The following TDRD12 variants were observed in gnomAD, a reference collection of about 807,000 sequenced individuals.
The protein encoded by TDRD12 is tudor domain containing 12.
A neutral mutation model predicts 133.5 loss-of-function variants in TDRD12; 158 were observed. The ratio of observed to expected loss-of-function variants is 1.18; its 90% confidence interval spans 1.04 to 1.35. The LOEUF (loss-of-function observed/expected upper bound fraction) is 1.35, where lower values mean the gene tolerates loss of function less well. TDRD12 is among the 40% of genes most tolerant of loss of function. The pLI is 0.00. For missense variants in TDRD12, 1,443 were observed against 1,321.3 expected, an observed-to-expected ratio of 1.09 and a Z score of -1.43; for synonymous variants, 460 against 477.9, an observed-to-expected ratio of 0.96 and a Z score of 0.49.
intron 1 of TDRD12, among the ~76,000 whole-genome samples, chr19:32,720,960 G>C (rs912201285): frequency 6.6e-6 from 1 of 151,636 alleles, no homozygotes; most frequent in African/African-American, 2.4e-5. Flanking sequence ...CCGAATGCTC[G>C]ATCACCCGGG....
At chr19:32,811,351 C>T in exon 24 of TDRD12, 1 of 1,536,132 alleles carries the variant, frequency 6.5e-7, no homozygotes, top group Non-Finnish European at 8.7e-7. Flanking sequence ...ACACACTTCC[C>T]CCGCAGGCTG....
chr19:32,800,903 A>G, intron 18 of TDRD12, 131 bp downstream of exon 18: 1 of 965,716 alleles, frequency 1.0e-6, no homozygotes, highest in African/African-American at 1.7e-5. Flanking sequence ...ATCAATCAGA[A>G]GAGGAGGTGG....
intron 8 of TDRD12, among the ~76,000 whole-genome samples, chr19:32,768,416 G>T (rs571622052): frequency 2.7e-5 from 4 of 150,202 alleles, no homozygotes; most frequent in East Asian, 3.9e-4. Context: ...CAGAGACAGG[G>T]TGTTGCACTG....
In TDRD12 at chr19:32,760,325, C is replaced by G. The variant is rs1011650222; in HGVS notation, c.865+3195C>G. Among the ~76,000 whole-genome samples the G allele has an allele frequency of 3.9e-5, 6 of 152,268 alleles. No individual in the cohort carries two copies. In the South Asian group the frequency reaches 1.2e-3, roughly 32 times the overall value. Reference sequence around the variant, plus strand: ...TAAAAAGCAGAATTATTAGATGTTACTTTTCTAAGTATAGATTTCCCTTTC... The same window carrying G: ...TAAAAAGCAGAATTATTAGATGTTAGTTTTCTAAGTATAGATTTCCCTTTC... On this transcript the variant is annotated intron_variant, in intron 8 of 27. Coordinates refer to ENST00000444215, the Ensembl canonical transcript of TDRD12.
At chr19:32,751,388 G>A (rs1411765688) in intron 6 of TDRD12, among the ~76,000 whole-genome samples, 8 of 152,092 alleles carry the variant, frequency 5.3e-5, no homozygotes, top group Admixed American at 3.3e-4. Flanking sequence ...GGTTTTTCCT[G>A]TACAGAGATG....
chr19:32,815,388 A>T, intron 25 of TDRD12, 60 bp from the exon 26 acceptor site: 2 of 1,395,872 alleles, frequency 1.4e-6, no homozygotes, highest in Non-Finnish European at 1.9e-6. Context: ...GGGAATGTCT[A>T]TGCTTCAGTT....
Position 32,817,120 on chromosome 19 carries a change from G to A in TDRD12, c.3315-969G>A, listed in dbSNP as rs542199996. On this transcript the variant is annotated intron_variant, in intron 26 of 27. Transcript: ENST00000444215. ...TTCCTTCAATTGCATGTGTTTTATC[G>A]TGGCAAAATAAACATGACAACAGCT... is the stretch of plus-strand genomic sequence containing the variant. Among the ~76,000 whole-genome samples, 6 of 152,244 alleles carry A rather than the reference G, an allele frequency of 3.9e-5. No individual in the cohort carries two copies. The South Asian group carries it at 1.0e-3, about 26-fold the overall frequency.
chr19:32,790,073 T>G (rs1416751701), intron 11 of TDRD12, among the ~76,000 whole-genome samples: 1 of 152,142 alleles, frequency 6.6e-6, no homozygotes, highest in Non-Finnish European at 1.5e-5. Flanking sequence ...GTTTGCCATG[T>G]GTGTAACCCA....
intron 11 of TDRD12, among the ~76,000 whole-genome samples, chr19:32,787,302 A>G (rs992128142): frequency 1.3e-5 from 2 of 152,114 alleles, no homozygotes; most frequent in Admixed American, 6.5e-5. Flanking sequence ...GCTTCATCCC[A>G]GAGGGACACC....
At chr19:32,749,431 T>C (rs1203723417) in intron 5 of TDRD12, among the ~76,000 whole-genome samples, 2 of 152,162 alleles carry the variant, frequency 1.3e-5, no homozygotes, top group Non-Finnish European at 2.9e-5. Context: ...GCAGTGATGC[T>C]GCTGCTGCGG....
intron 22 of TDRD12, 68 bp from the exon 23 acceptor site, chr19:32,810,025 A>G: frequency 1.0e-6 from 1 of 980,710 alleles, no homozygotes; most frequent in Non-Finnish European, 1.4e-6. Flanking sequence ...CTGCAGATAC[A>G]GGGAATGTGT....
intron 8 of TDRD12, among the ~76,000 whole-genome samples, chr19:32,772,423 G>A (rs770307158): frequency 2.0e-5 from 3 of 152,296 alleles, no homozygotes; most frequent in Non-Finnish European, 2.9e-5. Flanking sequence ...AGGCAGAGTC[G>A]CATTGTAAGA....
At chr19:32,793,811 T>TTTTG (rs1971139320) in intron 13 of TDRD12, among the ~76,000 whole-genome samples, 1 of 147,988 alleles carries the variant, frequency 6.8e-6, no homozygotes, top group Non-Finnish European at 1.5e-5. Context: ...TTTTTTTTTT[T>TTTTG]GAGTCGGAGT....
chr19:32,752,220 C>T (rs1341652029), intron 6 of TDRD12, among the ~76,000 whole-genome samples: 1 of 151,902 alleles, frequency 6.6e-6, no homozygotes, highest in Non-Finnish European at 1.5e-5. Flanking sequence ...ATTCTTGTTG[C>T]CCAGGCTGGA....
At chr19:32,803,172 T>C in intron 21 of TDRD12, 30 bp downstream of exon 21, 2 of 1,453,998 alleles carry the variant, frequency 1.4e-6, no homozygotes, top group Non-Finnish European at 1.8e-6. Flanking sequence ...CTTATTAAAC[T>C]GATGTATAAC....
intron 2 of TDRD12, among the ~76,000 whole-genome samples, chr19:32,735,415 T>C (rs1438784492): frequency 6.6e-6 from 1 of 152,164 alleles, no homozygotes; most frequent in Non-Finnish European, 1.5e-5. Context: ...TCTTCAATTG[T>C]ATAAAGGCTG....
In TDRD12 at chr19:32,801,861, CAAATT is replaced by C. The variant is rs1353646857; in HGVS notation, c.2187_2191del (p.Gln729HisfsTer41). On this transcript the variant is annotated frameshift_variant, in exon 19 of 28. Coordinates refer to ENST00000444215, the Ensembl canonical transcript of TDRD12. LOFTEE classifies it high-confidence loss of function. ...GAAGAAGAAGTTAAGTTCTGGCTCT[CAAATT>C]ATATTAGGTAAGTGTTTTAATTTCT... 4.3e-5 allele frequency: 57 copies of C among 1,316,994 alleles called. No individual in the cohort carries two copies. Among genetic ancestry groups the C allele is most frequent in the Non-Finnish European group, 5.9e-5 (57 of 963,566 alleles). 81.6% of individuals were successfully genotyped at this position (1,316,994 alleles called of 1,614,324 possible).
At chr19:32,729,787 T>C (rs1433719766) in intron 1 of TDRD12, among the ~76,000 whole-genome samples, 3 of 119,646 alleles carry the variant, frequency 2.5e-5, no homozygotes, top group Admixed American at 1.6e-4. Context: ...TCTTTTTTTT[T>C]TTTTTTTTTT....
exon 10 of TDRD12, chr19:32,827,378 T>TTC (rs1568504172): frequency 3.7e-5 from 15 of 406,614 alleles, no homozygotes; most frequent in East Asian, 1.9e-4. Context: ...TTTTCTTTTT[T>TTC]TTTTTTTTTT....
Sources: gnomAD v4.1 joint callset for allele counts (sites outside exome capture counted in the v4.1 genomes callset) on GRCh38, gnomAD v4.1.1 for gene constraint, MANE v1.5 for transcripts, NCBI Gene and HGNC (gene_info 2026-07-23, HGNC 2026-07-21) for gene names.